Variants in EHBP1 observed in about 807,000 individuals in gnomAD.
EHBP1 encodes the protein EH domain-binding protein 1.
A neutral mutation model predicts 144.0 loss-of-function variants in EHBP1; 55 were observed. The ratio of observed to expected loss-of-function variants is 0.38; its 90% confidence interval spans 0.31 to 0.48. The LOEUF is 0.48. Ranked by LOEUF, EHBP1 falls within the 20% of genes least tolerant of loss-of-function variation. The pLI is 0.98. For synonymous variants in EHBP1, 469 were observed against 472.7 expected (o/e 0.99, Z 0.10); for missense variants, 1,200 against 1,364.2 (o/e 0.88, Z 1.90).
chr2:62,876,343 G>T (rs767252140), intron 10 of EHBP1, among the ~76,000 whole-genome samples: 1 of 152,166 alleles, frequency 6.6e-6, no homozygotes, highest in Non-Finnish European at 1.5e-5. Context: ...ATAAAGAAAA[G>T]AAATTCCAAC....
rs571041199 is a variant in EHBP1 at position 62,750,890 on chromosome 2, CA to C, written c.162+3441del. Among the ~76,000 whole-genome samples the C allele has an allele frequency of 3.3e-3, 502 of 152,188 alleles. 4 individuals are homozygous for C. Among genetic ancestry groups the C allele is most frequent in the African/African-American group, 0.011 (458 of 41,548 alleles). ...AGCTTAAGGAGATTTTGGGCTGAGA[CA>C]AATGGGGTTTTCTAAATATACAATC... On this transcript the variant is annotated intron_variant, in intron 3 of 22. Transcript: ENST00000431489.
chr2:62,764,409 A>G, intron 4 of EHBP1, 48 bp downstream of exon 4: 1 of 1,356,848 alleles, frequency 7.4e-7, no homozygotes. Flanking sequence ...TAACCAGGGT[A>G]CCAAATGACA....
rs184842952 is a variant in EHBP1 at position 62,993,571 on chromosome 2, A to G, written c.2775A>G (p.Thr925=). 28 of 1,606,714 alleles carry G rather than the reference A, an allele frequency of 1.7e-5. No individual in the cohort carries two copies. The East Asian group carries it at 2.0e-4, about 12-fold the overall frequency. The change falls in exon 17 of 23, where the codon ACA becomes ACG. Residue 925 remains threonine, a synonymous_variant. Transcript: ENST00000431489. ...TCCGGACTGAACGATTACAAAAAACAACAGAACGTTTTAGAAATCCTGTTG... is the reference window on the plus strand; with the variant it reads ...TCCGGACTGAACGATTACAAAAAACGACAGAACGTTTTAGAAATCCTGTTG... ...EDLRTERLQK[T]TERFRNPVVF...
chr2:62,831,333 A>T (rs533966030), intron 7 of EHBP1, among the ~76,000 whole-genome samples, 175 bp downstream of exon 7: 1 of 152,290 alleles, frequency 6.6e-6, no homozygotes, highest in South Asian at 2.1e-4. Flanking sequence ...GCTGTTTATA[A>T]TAGATTTTAG....
intron 2 of EHBP1, among the ~76,000 whole-genome samples, chr2:62,712,842 T>C (rs1348553789): frequency 6.6e-6 from 1 of 152,192 alleles, no homozygotes; most frequent in Non-Finnish European, 1.5e-5. Flanking sequence ...AATGACAAGA[T>C]ACTGGTGGTG....
intron 3 of EHBP1, among the ~76,000 whole-genome samples, chr2:62,753,368 T>A (rs565778959): frequency 2.6e-3 from 394 of 152,290 alleles, no homozygotes; most frequent in African/African-American, 8.4e-3. Flanking sequence ...TGCCGAGAGA[T>A]CTGCTATTAG....
chr2:63,029,232 C>T (rs1413319637), intron 19 of EHBP1, among the ~76,000 whole-genome samples: 4 of 151,796 alleles, frequency 2.6e-5, no homozygotes, highest in Non-Finnish European at 5.9e-5. Context: ...CACTGCTGAC[C>T]CTGTAGGGCA....
At position 62,821,839 on chromosome 2, in the gene EHBP1, A is replaced by G. The variant is rs115375158; in HGVS notation, c.313-4248A>G. Among the ~76,000 whole-genome samples, 959 of 152,126 alleles carry G rather than the reference A, an allele frequency of 6.3e-3. 4 individuals carry two copies. The highest frequency in any genetic ancestry group is 0.01 in the Non-Finnish European group (709 of 67,982). On this transcript the variant is annotated intron_variant, in intron 5 of 22. Transcript: ENST00000431489. ...ATGCTTTTTTTAAGTATAATTTTTT[A>G]TTTTTTATTTTTGTGGATACATAGG... is the stretch of plus-strand genomic sequence containing the variant.
chr2:62,744,642 G>T (rs534822643), intron 2 of EHBP1, among the ~76,000 whole-genome samples: 1 of 152,216 alleles, frequency 6.6e-6, no homozygotes, highest in Non-Finnish European at 1.5e-5. Flanking sequence ...ATAAATAAGT[G>T]ACTTTTGATC....
chr2:62,680,803 G>A (rs534051004), intron 1 of EHBP1, among the ~76,000 whole-genome samples: 20 of 152,172 alleles, frequency 1.3e-4, no homozygotes, highest in African/African-American at 4.8e-4. Flanking sequence ...AAGATTCGTG[G>A]GATATAAGTC....
At chr2:63,041,071 G>T (rs147738232) in intron 21 of EHBP1, among the ~76,000 whole-genome samples, 14 of 152,184 alleles carry the variant, frequency 9.2e-5, no homozygotes, top group African/African-American at 3.4e-4. Flanking sequence ...TAAATCTGCT[G>T]CTGAAACCAT....
intron 2 of EHBP1, among the ~76,000 whole-genome samples, chr2:62,731,303 G>T (rs2037573147): frequency 6.6e-6 from 1 of 152,054 alleles, no homozygotes; most frequent in Non-Finnish European, 1.5e-5. Flanking sequence ...TGTATTTTAG[G>T]AGTTTTGTTG....
intron 2 of EHBP1, chr2:62,726,786 A>G (rs1264861618): frequency 6.6e-6 from 1 of 152,096 alleles, no homozygotes; most frequent in African/African-American, 2.4e-5. Flanking sequence ...GTTTGTATTT[A>G]TATTTCACAC....
chr2:62,805,902 G>C (rs902894747), intron 5 of EHBP1, among the ~76,000 whole-genome samples: 1 of 152,096 alleles, frequency 6.6e-6, no homozygotes, highest in East Asian at 1.9e-4. Context: ...TCTTTCAGTT[G>C]CTGCATTTAG....
At chr2:62,674,978 G>A (rs1188902314) in intron 1 of EHBP1, among the ~76,000 whole-genome samples, 2 of 152,152 alleles carry the variant, frequency 1.3e-5, no homozygotes, top group Admixed American at 1.3e-4. Context: ...GGTCAAAAAA[G>A]TTTGAGAATT....
At chr2:62,711,944 G>A (rs2035182101) in intron 2 of EHBP1, among the ~76,000 whole-genome samples, 1 of 152,128 alleles carries the variant, frequency 6.6e-6, no homozygotes, top group Non-Finnish European at 1.5e-5. Context: ...ATTACAGTGA[G>A]TATGATGATT....
chr2:62,943,988 A>C, intron 12 of EHBP1, 138 bp downstream of exon 12: 1 of 546,682 alleles, frequency 1.8e-6, no homozygotes. Flanking sequence ...ACTGCGGTTC[A>C]TTAGGATACA....
intron 9 of EHBP1, among the ~76,000 whole-genome samples, chr2:62,867,558 G>A (rs144086852): frequency 5.9e-5 from 9 of 152,142 alleles, no homozygotes; most frequent in Admixed American, 3.3e-4. Context: ...ACAACAGAAC[G>A]TTGCTGAGAG....
intron 14 of EHBP1, among the ~76,000 whole-genome samples, chr2:62,958,182 C>T (rs1432928108): frequency 6.6e-6 from 1 of 152,130 alleles, no homozygotes; most frequent in East Asian, 1.9e-4. Flanking sequence ...TAAACATACA[C>T]TTACATGACC....
Sources: gnomAD v4.1 joint callset for allele counts (sites outside exome capture counted in the v4.1 genomes callset) on GRCh38, gnomAD v4.1.1 for gene constraint, MANE v1.5 for transcripts, NCBI Gene and HGNC (gene_info 2026-07-23, HGNC 2026-07-21) for gene names.